Variants in CASK observed in about 807,000 individuals in gnomAD.
CASK encodes peripheral plasma membrane protein CASK.
Under a neutral mutation model 82.9 loss-of-function variants are expected in CASK, and 4 were observed. The observed-to-expected ratio is 0.05, with a 90% CI of 0.02 to 0.11. CASK has a LOEUF of 0.11. CASK is among the 10% of genes least tolerant of loss of function. The probability of loss-of-function intolerance (pLI) is 1.00; values close to 1 mark genes in which losing one functional copy is unlikely to be tolerated. For missense variants in CASK, 358 were observed against 720.9 expected (o/e 0.50, Z 5.76); for synonymous variants, 259 against 253.5 (o/e 1.02, Z -0.20).
intron 2 of CASK, among the ~76,000 whole-genome samples, chrX:41,791,120 T>A (rs1742822408): frequency 9.0e-6 from 1 of 110,924 alleles, no homozygotes; most frequent in East Asian, 2.8e-4. Flanking sequence ...CTCTTCACTC[T>A]CCTTTGTACT....
chrX:41,621,489 C>T lies in CASK; in HGVS notation c.1033+1128G>A, dbSNP rs759155794. Among the ~76,000 whole-genome samples the T allele has an allele frequency of 1.3e-4, 14 of 111,646 alleles. No individual in the cohort carries two copies. In the East Asian group the frequency reaches 3.6e-3, roughly 29 times the overall value. On this transcript the variant is annotated intron_variant, in intron 11 of 26. Coordinates refer to ENST00000378163, the MANE Select transcript of CASK (RefSeq NM_001367721.1). ...AAGAGGACCACAGCCAGTAAGGAAC[C>T]GAAGCCTGGCAACAACCATGTGAGT... is the stretch of plus-strand genomic sequence containing the variant.
intron 8 of CASK, among the ~76,000 whole-genome samples, chrX:41,643,147 G>C (rs777585510): frequency 1.8e-5 from 2 of 111,879 alleles, no homozygotes; most frequent in African/African-American, 3.2e-5. Flanking sequence ...TTTGGTACCA[G>C]TACCATGCTG....
intron 4 of CASK, among the ~76,000 whole-genome samples, chrX:41,744,347 C>A (rs190288560): frequency 0.012 from 1,187 of 98,507 alleles, 14 homozygotes; most frequent in African/African-American, 0.042. Flanking sequence ...ATATTTACTT[C>A]TTTTTTTTTT....
At chrX:41,557,238 T>G (rs1286738829) in intron 18 of CASK, 138 bp from the exon 19 acceptor site, 1 of 546,217 alleles carries the variant, frequency 1.8e-6, no homozygotes, top group East Asian at 3.6e-5. Context: ...CTGACTTGCT[T>G]GCATGATTTC....
intron 14 of CASK, among the ~76,000 whole-genome samples, chrX:41,580,832 T>C (rs1286340277): frequency 8.9e-6 from 1 of 112,395 alleles, no homozygotes; most frequent in Non-Finnish European, 1.9e-5. Flanking sequence ...TAAGCTGAAA[T>C]AGCTGTCAGT....
In CASK at chrX:41,879,306, G is replaced by A. The variant is rs183612749; in HGVS notation, c.60-26079C>T. Among the ~76,000 whole-genome samples, 7 of 111,648 alleles carry A rather than the reference G, an allele frequency of 6.3e-5. No homozygotes were observed. In the East Asian group the frequency reaches 2.0e-3, roughly 31 times the overall value. ...AGACCCCCAGTGGATGCCTGAAACT[G>A]TGGATAGCACCAAATCCCATATATA... On this transcript the variant is annotated intron_variant, in intron 1 of 26. Transcript: ENST00000378163.
At chrX:41,643,678 G>T (rs1465538824) in intron 8 of CASK, among the ~76,000 whole-genome samples, 2 of 111,914 alleles carry the variant, frequency 1.8e-5, no homozygotes, top group African/African-American at 3.2e-5. Flanking sequence ...TTTGGGCTGA[G>T]ATGATGGGGT....
intron 24 of CASK, among the ~76,000 whole-genome samples, chrX:41,533,511 T>C (rs1443263165): frequency 1.8e-5 from 2 of 112,482 alleles, no homozygotes; most frequent in Non-Finnish European, 3.8e-5. Context: ...TACAGATAAC[T>C]GTAAGTGGTA....
intron 2 of CASK, among the ~76,000 whole-genome samples, chrX:41,840,852 T>C (rs1194172034): frequency 1.8e-5 from 2 of 112,348 alleles, no homozygotes; most frequent in Non-Finnish European, 3.8e-5. Flanking sequence ...TTTTCAAATG[T>C]TGAACCAGTT....
At chrX:41,546,630 G>GCTAATTT (rs777180672) in intron 21 of CASK, among the ~76,000 whole-genome samples, 13 of 109,637 alleles carry the variant, frequency 1.2e-4, no homozygotes, top group South Asian at 7.8e-4. Context: ...ACTACACCCA[G>GCTAATTT]CTAATTTTTG....
chrX:41,894,557 T>C (rs1601949411), intron 1 of CASK, among the ~76,000 whole-genome samples: 1 of 61,754 alleles, frequency 1.6e-5, no homozygotes, highest in Non-Finnish European at 3.1e-5. Flanking sequence ...TCATGGAGCA[T>C]ATAGAAAAAA....
chrX:41,866,509 TC>T (rs1382093897), intron 1 of CASK, among the ~76,000 whole-genome samples: 4 of 112,151 alleles, frequency 3.6e-5, no homozygotes, highest in African/African-American at 1.3e-4. Context: ...ACTTTCAGAA[TC>T]CCTTTATTGC....
At chrX:41,554,634 A>G (rs912277049) in intron 20 of CASK, among the ~76,000 whole-genome samples, 1 of 111,868 alleles carries the variant, frequency 8.9e-6, no homozygotes, top group Non-Finnish European at 1.9e-5. Context: ...GAGTTTTATG[A>G]TATGTGAGTT....
At chrX:41,711,960 G>A in intron 5 of CASK, among the ~76,000 whole-genome samples, 1 of 112,648 alleles carries the variant, frequency 8.9e-6, no homozygotes, top group Non-Finnish European at 1.9e-5. Flanking sequence ...CGTGGATAAG[G>A]ACAGGAGCTT....
chrX:41,790,771 C>A (rs1208671793), intron 2 of CASK, among the ~76,000 whole-genome samples: 2 of 112,074 alleles, frequency 1.8e-5, no homozygotes, highest in African/African-American at 6.5e-5. Flanking sequence ...TCAAATAGCA[C>A]AATTAAAAAC....
At chrX:41,527,101 T>C (rs997827456) in intron 25 of CASK, among the ~76,000 whole-genome samples, 1 of 111,283 alleles carries the variant, frequency 9.0e-6, no homozygotes, top group African/African-American at 3.3e-5. Flanking sequence ...ACCCTCTTCC[T>C]TTCTGACTCA....
intron 24 of CASK, 112 bp from the exon 25 acceptor site, chrX:41,531,321 C>T (rs897656765): frequency 2.4e-5 from 15 of 629,561 alleles, no homozygotes; most frequent in East Asian, 3.3e-5. Flanking sequence ...GATTCTTTAG[C>T]GTATATCTCA....
At position 41,803,435 on chromosome X, in the gene CASK, A is replaced by T. The variant is rs189846984; in HGVS notation, c.173-16152T>A. 9.3e-3 allele frequency among the ~76,000 whole-genome samples: 1,032 copies of T among 110,572 alleles called. 11 individuals are homozygous for T. Among genetic ancestry groups the T allele is most frequent in the African/African-American group, 0.032 (977 of 30,396 alleles). ...AAACGCCATCTCTACTAAAAATATT[A>T]AAAAAAATTAGCCAGGTGTGGTGGC... is the stretch of plus-strand genomic sequence containing the variant. On this transcript the variant is annotated intron_variant, in intron 2 of 26. Coordinates refer to ENST00000378163, the MANE Select transcript of CASK (RefSeq NM_001367721.1).
intron 5 of CASK, chrX:41,696,502 T>C: frequency 8.3e-7 from 1 of 1,209,602 alleles, no homozygotes; most frequent in African/African-American, 1.7e-5. Context: ...TTCATCTACA[T>C]TTCTTCACAG....
Sources: gnomAD v4.1 joint callset for allele counts (sites outside exome capture counted in the v4.1 genomes callset) on GRCh38, gnomAD v4.1.1 for gene constraint, MANE v1.5 for transcripts, NCBI Gene and HGNC (gene_info 2026-07-23, HGNC 2026-07-21) for gene names.